MYRIP: variants seen among roughly 807,000 people sequenced by gnomAD.
MYRIP encodes the protein myosin VIIA and Rab interacting protein, also known as rab effector MyRIP.
Under a neutral mutation model 98.0 loss-of-function variants are expected in MYRIP, and 49 were observed. The observed-to-expected ratio is 0.50, with a 90% CI of 0.40 to 0.63. The LOEUF is 0.63. Ranked by LOEUF, MYRIP falls within the 30% of genes least tolerant of loss-of-function variation. The pLI is 0.00. For synonymous variants in MYRIP, 404 were observed against 409.5 expected (o/e 0.99, Z 0.16); for missense variants, 1,004 against 1,058.2 (o/e 0.95, Z 0.71).
intron 8 of MYRIP, chr3:40,173,640 C>G (rs1463757750): frequency 1.3e-5 from 2 of 152,304 alleles, no homozygotes; most frequent in African/African-American, 4.8e-5. Context: ...AACCATGACC[C>G]TTCCCAAGGG....
chr3:39,827,759 GC>G (rs1490667054), intron 1 of MYRIP, among the ~76,000 whole-genome samples: 1 of 152,118 alleles, frequency 6.6e-6, no homozygotes, highest in Admixed American at 6.5e-5. Context: ...CATGGAAGAT[GC>G]CCTTGAGCAT....
At chr3:40,247,054 T>C (rs1296676798) in intron 13 of MYRIP, among the ~76,000 whole-genome samples, 2 of 152,232 alleles carry the variant, frequency 1.3e-5, no homozygotes, top group African/African-American at 4.8e-5. Context: ...ATCACTTGTT[T>C]TCTGTTACAT....
chr3:40,235,818 G>A (rs979287292), intron 12 of MYRIP, among the ~76,000 whole-genome samples: 1 of 152,186 alleles, frequency 6.6e-6, no homozygotes, highest in Non-Finnish European at 1.5e-5. Flanking sequence ...CTGGAAAGGA[G>A]GAAGGGGATG....
At chr3:40,208,161 GA>G (rs1575634119) in intron 10 of MYRIP, among the ~76,000 whole-genome samples, 1 of 151,982 alleles carries the variant, frequency 6.6e-6, no homozygotes, top group East Asian at 1.9e-4. Flanking sequence ...CAAAAGATAG[GA>G]AAAATAAGAT....
intron 2 of MYRIP, among the ~76,000 whole-genome samples, chr3:40,040,993 AGAAAAAAAAAAAGAAAATATTACCAGC>A (rs1947505954): frequency 1.2e-4 from 7 of 56,436 alleles, no homozygotes; most frequent in Non-Finnish European, 2.4e-4. Context: ...AAAAAAAAAA[AGAAAAAAAAAAAGAAAATATTACCAGC>A]AGAAAAAAAA....
intron 2 of MYRIP, among the ~76,000 whole-genome samples, chr3:39,963,464 T>C (rs950194069): frequency 1.3e-5 from 2 of 152,184 alleles, no homozygotes; most frequent in African/African-American, 4.8e-5. Context: ...ACTTCATCCC[T>C]GTTATATTGC....
intron 2 of MYRIP, among the ~76,000 whole-genome samples, chr3:39,948,704 A>T (rs1468223051): frequency 6.6e-6 from 1 of 151,976 alleles, no homozygotes; most frequent in Non-Finnish European, 1.5e-5. Flanking sequence ...TTCTAGAAGA[A>T]AAAAAAGAGA....
At chr3:40,002,260 C>T (rs1018073171) in intron 2 of MYRIP, among the ~76,000 whole-genome samples, 9 of 152,104 alleles carry the variant, frequency 5.9e-5, no homozygotes, top group African/African-American at 2.2e-4. Flanking sequence ...TGAGGCTGAG[C>T]GTGGTGGCTC....
intron 2 of MYRIP, among the ~76,000 whole-genome samples, chr3:39,976,124 G>C (rs1945743418): frequency 6.6e-6 from 1 of 152,084 alleles, no homozygotes; most frequent in Admixed American, 6.6e-5. Context: ...CCTACAGAAT[G>C]GGAGAAAACT....
At chr3:39,869,921 G>T (rs571193287) in intron 1 of MYRIP, among the ~76,000 whole-genome samples, 3 of 152,310 alleles carry the variant, frequency 2.0e-5, no homozygotes, top group Admixed American at 2.0e-4. Flanking sequence ...TCAAGGTGGA[G>T]GGGTGGGAAG....
chr3:40,002,410 C>T (rs1946538718), intron 2 of MYRIP, among the ~76,000 whole-genome samples: 1 of 152,114 alleles, frequency 6.6e-6, no homozygotes, highest in African/African-American at 2.4e-5. Context: ...TGGCGTGTGC[C>T]TGTAATCCCA....
intron 2 of MYRIP, among the ~76,000 whole-genome samples, chr3:40,014,500 G>A (rs1220350349): frequency 1.3e-5 from 2 of 152,132 alleles, no homozygotes; most frequent in Non-Finnish European, 2.9e-5. Flanking sequence ...GGAGCAGTGG[G>A]AAGAACCTGG....
intron 2 of MYRIP, among the ~76,000 whole-genome samples, chr3:39,915,249 C>T (rs1426601928): frequency 6.6e-6 from 1 of 151,962 alleles, no homozygotes; most frequent in Non-Finnish European, 1.5e-5. Context: ...GTAAAAAACA[C>T]AAACTAAATA....
chr3:39,989,585 T>G (rs1469723511), intron 2 of MYRIP, among the ~76,000 whole-genome samples: 1 of 152,228 alleles, frequency 6.6e-6, no homozygotes, highest in East Asian at 1.9e-4. Context: ...CCCACACATC[T>G]GGGCTGCCTG....
At chr3:39,866,246 C>T (rs1236931153) in intron 1 of MYRIP, among the ~76,000 whole-genome samples, 1 of 151,984 alleles carries the variant, frequency 6.6e-6, no homozygotes, top group African/African-American at 2.4e-5. Context: ...TGCTGATTAC[C>T]TGGGTGGTGA....
At chr3:39,847,561 C>G (rs1406943973) in intron 1 of MYRIP, among the ~76,000 whole-genome samples, 1 of 152,206 alleles carries the variant, frequency 6.6e-6, no homozygotes, top group Non-Finnish European at 1.5e-5. Context: ...AGTACCTCAA[C>G]AGGTCATAGT....
chr3:40,234,575 A>G (rs1952770158), intron 12 of MYRIP, among the ~76,000 whole-genome samples: 1 of 152,136 alleles, frequency 6.6e-6, no homozygotes, highest in African/African-American at 2.4e-5. Flanking sequence ...AGTATAGAGA[A>G]ACTATAAAGG....
chr3:40,244,282 C>T (rs536607967), intron 12 of MYRIP, among the ~76,000 whole-genome samples, 164 bp from the exon 13 acceptor site: 1 of 152,168 alleles, frequency 6.6e-6, no homozygotes, highest in Non-Finnish European at 1.5e-5. Flanking sequence ...AGACCTCACA[C>T]ATTTAAGTGT....
intron 1 of MYRIP, among the ~76,000 whole-genome samples, chr3:39,857,413 T>C (rs1942338597): frequency 6.6e-6 from 1 of 152,054 alleles, no homozygotes; most frequent in African/African-American, 2.4e-5. Flanking sequence ...CAAAGAGAAA[T>C]CATTTTTTAA....
Sources: allele counts gnomAD v4.1 joint callset (sites outside exome capture counted in the v4.1 genomes callset), GRCh38; gene constraint gnomAD v4.1.1; transcripts MANE v1.5; gene names NCBI Gene and HGNC (gene_info 2026-07-23, HGNC 2026-07-21).